WNT4: variants seen among roughly 807,000 people sequenced by gnomAD.
WNT4 encodes the protein Wnt family member 4.
A neutral mutation model predicts 34.5 loss-of-function variants in WNT4; 16 were observed. The ratio of observed to expected loss-of-function variants is 0.46; its 90% CI spans 0.31 to 0.70. The LOEUF (loss-of-function observed/expected upper bound fraction) is 0.70, where lower values mean the gene tolerates loss of function less well. Among genes scored for constraint, WNT4 ranks in the 30% least tolerant of loss-of-function variants. WNT4 has a pLI of 0.04. For missense variants in WNT4, 379 were observed against 495.9 expected (o/e 0.76, Z 2.24); for synonymous variants, 200 against 211.9 (o/e 0.94, Z 0.49).
chr1:22,129,787 C>A lies in WNT4; in HGVS notation c.142G>T (p.Gly48Cys). 1 of 1,614,098 alleles carries A rather than the reference C, an allele frequency of 6.2e-7. No homozygotes were observed. Among genetic ancestry groups the A allele is most frequent in the Non-Finnish European group, 8.5e-7 (1 of 1,180,042 alleles). ...SEEETCEKLKGLIQRQVQMCK... is the reference protein window; with the variant it reads ...SEEETCEKLKCLIQRQVQMCK... Reference sequence around the variant, plus strand: ...ATCTGCACCTGCCTCTGGATCAGGCCCTTGAGTTTCTCGCACGTCTCCTCC... The same window carrying A: ...ATCTGCACCTGCCTCTGGATCAGGCACTTGAGTTTCTCGCACGTCTCCTCC... The change falls in exon 2 of 5, where the codon GGC (glycine) becomes TGC (cysteine). Residue 48 changes from glycine to cysteine, a missense_variant. Coordinates refer to ENST00000290167, the MANE Select transcript of WNT4 (RefSeq NM_030761.5).
intron 2 of WNT4, chr1:22,127,500 ATGAGCCATGAACC>A (rs1401313261): frequency 1.9e-6 from 1 of 530,314 alleles, no homozygotes; most frequent in Admixed American, 2.0e-5. Context: ...AAACAGGTCA[ATGAGCCATGAACC>A]TTGCCTTCAA....
chr1:22,120,898 GA>G (rs1645892363), intron 4 of WNT4, among the ~76,000 whole-genome samples: 1 of 152,180 alleles, frequency 6.6e-6, no homozygotes, highest in African/African-American at 2.4e-5. Flanking sequence ...TGGTGATGGA[GA>G]GAAAGGTTCA....
chr1:22,125,908 C>T (rs1460800122), intron 2 of WNT4, among the ~76,000 whole-genome samples: 3 of 152,190 alleles, frequency 2.0e-5, no homozygotes, highest in Admixed American at 6.5e-5. Context: ...CAGTATTTAA[C>T]GATCCATTCA....
Position 22,129,718 on chromosome 1 carries a change from C to T in WNT4, c.211G>A (p.Ala71Thr). ...TGGCACTCCTCAATGGCCAGCTGGG[C>T]ACCGCGGCGCACCGAGTCCATGACT... ...LEVMDSVRRGAQLAIEECQYQ... is the reference protein window; with the variant it reads ...LEVMDSVRRGTQLAIEECQYQ... Residue 71 changes from alanine to threonine, a missense_variant, in exon 2 of 5, where the codon GCC (alanine) becomes ACC (threonine). Transcript: ENST00000290167. 1 of 1,613,964 alleles carries T rather than the reference C, an allele frequency of 6.2e-7. No individual in the cohort carries two copies. The highest frequency in any genetic ancestry group is 2.2e-5 in the East Asian group (1 of 44,868).
chr1:22,128,725 CT>C (rs1301946179), intron 2 of WNT4, among the ~76,000 whole-genome samples: 101 of 145,350 alleles, frequency 6.9e-4, no homozygotes, highest in Admixed American at 6.8e-4. Context: ...CTTTTTTTTT[CT>C]TTTTTTTTTT....
Position 22,142,797 on chromosome 1 carries a change from G to C in WNT4, c.77+49C>G. On this transcript the variant is annotated intron_variant, in intron 1 of 4. Coordinates refer to ENST00000290167, the MANE Select transcript of WNT4 (RefSeq NM_030761.5). This position sits in a 1 kb window ranked among gnomAD's most constrained non-coding sequence, Gnocchi z 6.0. Reference sequence around the variant, plus strand: ...CCGCCTGGCACCGGCCGCTGCCCCCGGGGCCTGCCCCGCCCCGCCCCGCCC... The same window carrying C: ...CCGCCTGGCACCGGCCGCTGCCCCCCGGGCCTGCCCCGCCCCGCCCCGCCC... The C allele has an allele frequency of 2.8e-6, 3 of 1,079,898 alleles. No homozygotes were observed. Among genetic ancestry groups the C allele is most frequent in the Non-Finnish European group, 3.4e-6 (3 of 876,420 alleles). The allele number at this position is 1,079,898 out of a possible 1,614,324, so 66.9% of individuals were successfully genotyped here. A position where few individuals can be genotyped will look rare whatever the true frequency, so the allele number is the denominator to read the frequency against.
intron 2 of WNT4, among the ~76,000 whole-genome samples, chr1:22,125,853 T>G (rs1449603855): frequency 6.6e-6 from 1 of 152,172 alleles, no homozygotes; most frequent in Non-Finnish European, 1.5e-5. Context: ...CCTCACACCC[T>G]TTGGTTCATT....
At position 22,142,299 on chromosome 1, in the gene WNT4, A is replaced by C. The variant is rs1212860854; in HGVS notation, c.77+547T>G. ...CGCCAGCCCCGGGCCCTGGGAGACC[A>C]GGCGTCCTGGTCCCTTCCTTCTGTC... On this transcript the variant is annotated intron_variant, in intron 1 of 4. Transcript: ENST00000290167. The surrounding 1 kb of genome is among the most constrained non-coding windows in gnomAD (Gnocchi z 6.0). Among the ~76,000 whole-genome samples, 1 of 152,048 alleles carries C rather than the reference A, an allele frequency of 6.6e-6. No individual in the cohort carries two copies. Among genetic ancestry groups the C allele is most frequent in the Non-Finnish European group, 1.5e-5 (1 of 68,004 alleles).
chr1:22,120,091 G>T lies in WNT4; in HGVS notation c.1015C>A (p.Arg339=). 6.2e-7 allele frequency: 1 copy of T among 1,612,312 alleles called. No homozygotes were observed. The highest frequency in any genetic ancestry group is 2.2e-5 in the East Asian group (1 of 44,878). ...KFHWCCFVKC[R]QCQRLVELHT... ...AACTCCACGAGCCGCTGGCACTGCC[G>T]GCACTTGACGAAGCAGCACCAGTGG... is the stretch of plus-strand genomic sequence containing the variant. The change falls in exon 5 of 5, where the codon CGG becomes AGG. Residue 339 remains arginine (R), a synonymous_variant. Transcript: ENST00000290167.
rs959969102 is a variant in WNT4, at chr1:22,139,011, G to A, written c.77+3835C>T. On this transcript the variant is annotated intron_variant, in intron 1 of 4. Transcript: ENST00000290167. The surrounding 1 kb of genome is among the most constrained non-coding windows in gnomAD (Gnocchi z 4.6). The stretch of plus-strand genomic sequence containing the variant: ...AGGTGCTCCCAGCAGCAACTCCTCT[G>A]CCTGGCAAGATTGGCTTGTGAGCCA... Among the ~76,000 whole-genome samples the A allele has an allele frequency of 6.6e-6, 1 of 152,218 alleles. No homozygotes were observed. Among genetic ancestry groups the A allele is most frequent in the Non-Finnish European group, 1.5e-5 (1 of 68,020 alleles).
intron 1 of WNT4, among the ~76,000 whole-genome samples, chr1:22,138,012 T>C (rs1326519304): frequency 6.6e-6 from 1 of 152,200 alleles, no homozygotes; most frequent in Non-Finnish European, 1.5e-5. Context: ...GAGCACCTAG[T>C]ACCTGACAGG....
intron 2 of WNT4, among the ~76,000 whole-genome samples, 171 bp from the exon 3 acceptor site, chr1:22,121,747 A>G (rs1645900497): frequency 6.6e-6 from 1 of 152,196 alleles, no homozygotes; most frequent in African/African-American, 2.4e-5. Flanking sequence ...TATCACACCA[A>G]TAGCTGAATC....
chr1:22,131,715 GGGGGCAAGTGTACAGCAT>G (rs1645984828), intron 1 of WNT4, among the ~76,000 whole-genome samples: 1 of 152,198 alleles, frequency 6.6e-6, no homozygotes, highest in Non-Finnish European at 1.5e-5. Flanking sequence ...AGGTAATTGT[GGGGGCAAGTGTACAGCAT>G]GGGGCAAGTG....
At chr1:22,121,788 T>TGG in intron 2 of WNT4, among the ~76,000 whole-genome samples, 1 of 152,226 alleles carries the variant, frequency 6.6e-6, no homozygotes, top group Non-Finnish European at 1.5e-5. Context: ...GCTTAGGGCT[T>TGG]TTCAAACGTG....
intron 2 of WNT4, among the ~76,000 whole-genome samples, chr1:22,126,224 C>T (rs1181153841): frequency 6.6e-6 from 1 of 152,214 alleles, no homozygotes; most frequent in African/African-American, 2.4e-5. Context: ...CATCTTGCCT[C>T]CAGGCCAGGA....
chr1:22,141,268 T>C (rs900567158), intron 1 of WNT4, among the ~76,000 whole-genome samples: 1 of 152,182 alleles, frequency 6.6e-6, no homozygotes, highest in Non-Finnish European at 1.5e-5. Context: ...TTTTTCTTTG[T>C]TTTTTGTTTG....
chr1:22,137,873 A>C lies in WNT4; in HGVS notation c.77+4973T>G, dbSNP rs1208757546. Among the ~76,000 whole-genome samples the C allele has an allele frequency of 2.0e-5, 3 of 152,134 alleles. No homozygotes were observed. The highest frequency in any genetic ancestry group is 3.9e-4 in the East Asian group (2 of 5,178). On this transcript the variant is annotated intron_variant, in intron 1 of 4. Coordinates refer to ENST00000290167, the MANE Select transcript of WNT4 (RefSeq NM_030761.5). The surrounding 1 kb of genome is among the most constrained non-coding windows in gnomAD (Gnocchi z 5.3). Reference sequence around the variant, plus strand: ...ACCCACCTCTGTGCCTTTTAGTATCACCTGAGCCTCAGGGCAGTGGAGCAG... The same window carrying C: ...ACCCACCTCTGTGCCTTTTAGTATCCCCTGAGCCTCAGGGCAGTGGAGCAG...
chr1:22,129,559 T>G, intron 2 of WNT4, 57 bp downstream of exon 2: 1 of 1,563,778 alleles, frequency 6.4e-7, no homozygotes, highest in Admixed American at 1.8e-5. Flanking sequence ...CATTTCCTGC[T>G]GGGCCCATGC....
rs1215612441 is a variant in WNT4 at position 22,140,072 on chromosome 1, G to C, written c.77+2774C>G. 12 of 606,500 alleles carry C rather than the reference G, an allele frequency of 2.0e-5. No individual in the cohort carries two copies. Among genetic ancestry groups the C allele is most frequent in the Non-Finnish European group, 2.5e-5 (12 of 483,532 alleles). The allele number at this position is 606,500 out of a possible 1,614,324, so 37.6% of individuals were successfully genotyped here. A position where few individuals can be genotyped will look rare whatever the true frequency, so the allele number is the denominator to read the frequency against. On this transcript the variant is annotated intron_variant, in intron 1 of 4. Transcript: ENST00000290167. This position sits in a 1 kb window ranked among gnomAD's most constrained non-coding sequence, Gnocchi z 5.9. ...CCTTCTGAGACAACAGATAGTCCTG[G>C]CTCTCGCCACTGGCCAGCAGACCCA...
Sources: allele counts gnomAD v4.1 joint callset (sites outside exome capture counted in the v4.1 genomes callset), GRCh38; gene constraint gnomAD v4.1.1; non-coding constraint Gnocchi (gnomAD v3.1); transcripts MANE v1.5; gene names NCBI Gene and HGNC (gene_info 2026-07-23, HGNC 2026-07-21).